RPS6KC1: variants seen among roughly 807,000 people sequenced by gnomAD.
The protein encoded by RPS6KC1 is inactive ribosomal protein S6 kinase delta-1.
Under a neutral mutation model 103.8 loss-of-function variants are expected in RPS6KC1, and 54 were observed. The ratio of observed to expected loss-of-function variants is 0.52; its 90% CI spans 0.42 to 0.65. The LOEUF (loss-of-function observed/expected upper bound fraction) is 0.65. Among genes scored for constraint, RPS6KC1 ranks in the 30% least tolerant of loss-of-function variants. The pLI is 0.00. For missense variants in RPS6KC1, 1,151 were observed against 1,253.8 expected (o/e 0.92, Z 1.24); for synonymous variants, 439 against 438.7 (o/e 1.00, Z -0.01).
chr1:213,584,729 A>AACT, the RPS6KC1 span, among the ~76,000 whole-genome samples: 1 of 152,228 alleles, frequency 6.6e-6, no homozygotes, highest in Non-Finnish European at 1.5e-5. Flanking sequence ...TCAGGACACC[A>AACT]ACTGCATGCT....
intron 1 of RPS6KC1, among the ~76,000 whole-genome samples, chr1:213,052,232 TTAAA>T (rs1345065169): frequency 1.3e-5 from 2 of 152,236 alleles, no homozygotes. Flanking sequence ...TAAATCAAAA[TTAAA>T]TAAGTATATA....
chr1:213,403,764 G>T, the RPS6KC1 span, among the ~76,000 whole-genome samples: 2 of 152,110 alleles, frequency 1.3e-5, no homozygotes, highest in South Asian at 2.1e-4. Flanking sequence ...ACACTTATCT[G>T]GGGGAAAAGG....
intron 3 of RPS6KC1, among the ~76,000 whole-genome samples, chr1:213,103,550 A>G (rs2082202244): frequency 6.6e-6 from 1 of 152,192 alleles, no homozygotes; most frequent in Non-Finnish European, 1.5e-5. Flanking sequence ...AGCATGAGAC[A>G]CACTGGGCAG....
At chr1:213,244,031 T>C (rs892745541) in intron 12 of RPS6KC1, among the ~76,000 whole-genome samples, 1 of 152,176 alleles carries the variant, frequency 6.6e-6, no homozygotes, top group Non-Finnish European at 1.5e-5. Context: ...CTTTCCTCCT[T>C]CTTCCTTCAA....
intron 8 of RPS6KC1, among the ~76,000 whole-genome samples, chr1:213,185,177 A>G (rs576585398): frequency 5.6e-4 from 85 of 152,240 alleles, no homozygotes; most frequent in Middle Eastern, 3.4e-3. Flanking sequence ...TTAGATTTGT[A>G]GTCTGTTTTA....
intron 6 of RPS6KC1, among the ~76,000 whole-genome samples, chr1:213,146,912 CT>C (rs754228819): frequency 4.6e-5 from 7 of 152,096 alleles, no homozygotes; most frequent in Non-Finnish European, 1.0e-4. Context: ...GGGATAATAT[CT>C]CATTGTAGTT....
At chr1:213,485,487 C>A in the RPS6KC1 span, among the ~76,000 whole-genome samples, 3 of 152,106 alleles carry the variant, frequency 2.0e-5, no homozygotes, top group African/African-American at 7.2e-5. Context: ...TCTGCTGTAC[C>A]CAGCTAGAAT....
At chr1:213,161,352 G>A (rs1016048534) in intron 6 of RPS6KC1, among the ~76,000 whole-genome samples, 2 of 151,040 alleles carry the variant, frequency 1.3e-5, no homozygotes, top group Non-Finnish European at 2.9e-5. Context: ...ACAAAGTCTC[G>A]CTCTGTCACC....
At chr1:213,255,160 A>C (rs976341793) in intron 12 of RPS6KC1, among the ~76,000 whole-genome samples, 1 of 151,908 alleles carries the variant, frequency 6.6e-6, no homozygotes, top group Non-Finnish European at 1.5e-5. Flanking sequence ...TAAAAAAATT[A>C]GCCAAGTGTG....
chr1:213,807,423 G>A, the RPS6KC1 span, among the ~76,000 whole-genome samples: 5 of 152,176 alleles, frequency 3.3e-5, no homozygotes, highest in Non-Finnish European at 7.3e-5. Flanking sequence ...ACACCAATCA[G>A]ACGTAGATTT....
the RPS6KC1 span, among the ~76,000 whole-genome samples, chr1:213,605,583 A>G: frequency 6.6e-6 from 1 of 152,168 alleles, no homozygotes; most frequent in South Asian, 2.1e-4. Context: ...ATTATGCACT[A>G]TCTGTTTACA....
At chr1:213,759,367 G>A in the RPS6KC1 span, among the ~76,000 whole-genome samples, 1 of 152,160 alleles carries the variant, frequency 6.6e-6, no homozygotes, top group Admixed American at 6.5e-5. Flanking sequence ...CATGTGACTT[G>A]CTTTATTGTG....
chr1:213,686,087 A>G, the RPS6KC1 span, among the ~76,000 whole-genome samples: 3 of 152,162 alleles, frequency 2.0e-5, no homozygotes, highest in African/African-American at 7.2e-5. Context: ...CTACCATCTT[A>G]GGCCATAATT....
At chr1:213,267,659 A>G (rs1373705827) in intron 14 of RPS6KC1, among the ~76,000 whole-genome samples, 1 of 152,036 alleles carries the variant, frequency 6.6e-6, no homozygotes, top group Non-Finnish European at 1.5e-5. Context: ...TGTTTAAATT[A>G]TTAAAGGAAA....
At chr1:213,265,873 T>C (rs1486668947) in intron 14 of RPS6KC1, among the ~76,000 whole-genome samples, 4 of 152,230 alleles carry the variant, frequency 2.6e-5, no homozygotes, top group African/African-American at 9.6e-5. Context: ...TGTTAAGACA[T>C]GGATTCTGGA....
At chr1:213,837,045 G>A in the RPS6KC1 span, among the ~76,000 whole-genome samples, 5 of 152,124 alleles carry the variant, frequency 3.3e-5, no homozygotes, top group African/African-American at 4.8e-5. Flanking sequence ...TGGTTTGTTT[G>A]TTTTTTTGTA....
intron 7 of RPS6KC1, among the ~76,000 whole-genome samples, chr1:213,172,546 G>A (rs2091553532): frequency 2.0e-5 from 3 of 152,200 alleles, no homozygotes; most frequent in Non-Finnish European, 4.4e-5. Flanking sequence ...CTGGGAGATC[G>A]AGCTTGCAGT....
intron 1 of RPS6KC1, among the ~76,000 whole-genome samples, chr1:213,052,084 G>A (rs1354875651): frequency 6.6e-6 from 1 of 152,136 alleles, no homozygotes; most frequent in Non-Finnish European, 1.5e-5. Context: ...GCTTGTGTGA[G>A]CTACCATGAG....
chr1:213,147,640 G>A (rs756821240), intron 6 of RPS6KC1, among the ~76,000 whole-genome samples: 7 of 152,102 alleles, frequency 4.6e-5, no homozygotes, highest in Non-Finnish European at 7.4e-5. Flanking sequence ...GATTCCTCCA[G>A]TTTTCTTCTT....
Sources: allele counts gnomAD v4.1 joint callset (sites outside exome capture counted in the v4.1 genomes callset), GRCh38; gene constraint gnomAD v4.1.1; transcripts MANE v1.5; gene names NCBI Gene and HGNC (gene_info 2026-07-23, HGNC 2026-07-21).